The following SLC41A3 variants were observed in gnomAD, a reference collection of about 807,000 sequenced individuals.
SLC41A3 encodes solute carrier family 41 member 3.
SLC41A3 carries 44 observed loss-of-function variants against 45.4 expected under a neutral mutation model. The ratio of observed to expected loss-of-function variants is 0.97; its 90% confidence interval spans 0.76 to 1.25. The LOEUF is 1.25. Among genes scored for constraint, SLC41A3 ranks in the 50% most tolerant of loss-of-function variants. The probability of loss-of-function intolerance (pLI) is 0.00; values close to 1 mark genes in which losing one functional copy is unlikely to be tolerated. For missense variants in SLC41A3, 550 were observed against 600.6 expected (o/e 0.92, Z 0.88); for synonymous variants, 256 against 252.4 (o/e 1.01, Z -0.13).
At chr3:126,071,037 T>TA (rs1944594005) in intron 1 of SLC41A3, among the ~76,000 whole-genome samples, 1 of 151,928 alleles carries the variant, frequency 6.6e-6, no homozygotes, top group African/African-American at 2.4e-5. Context: ...ATAAAAGTGA[T>TA]ACACTAGGAA....
At chr3:126,086,555 A>T (rs1945398641), upstream of SLC41A3, among the ~76,000 whole-genome samples, 2 of 146,206 alleles carry the variant, frequency 1.4e-5, no homozygotes, top group African/African-American at 5.1e-5. Flanking sequence ...AAAGGATTTT[A>T]TAATAGACTT....
At position 126,049,258 on chromosome 3, in the gene SLC41A3, G is replaced by A. The variant is rs913151912; in HGVS notation, c.381+1685C>T. 1.1e-4 allele frequency among the ~76,000 whole-genome samples: 16 copies of A among 152,046 alleles called. 1 individual carries two copies. Among genetic ancestry groups the A allele is most frequent in the Non-Finnish European group, 1.5e-5 (1 of 68,004 alleles). ...TCCCAGCACTTTGGGAGGCTGAGGC[G>A]GGCAGATCACTGGAGGTCAGGAGTT... On this transcript the variant is annotated intron_variant, in intron 3 of 10. Coordinates refer to ENST00000360370, the MANE Select transcript of SLC41A3 (RefSeq NM_017836.4).
At chr3:126,039,827 T>C (rs947853333) in intron 3 of SLC41A3, among the ~76,000 whole-genome samples, 1 of 152,264 alleles carries the variant, frequency 6.6e-6, no homozygotes, top group African/African-American at 2.4e-5. Context: ...AGGGATCTTA[T>C]CTGTGGATAT....
chr3:126,087,878 T>A (rs1234396819), upstream of SLC41A3, among the ~76,000 whole-genome samples: 2 of 152,100 alleles, frequency 1.3e-5, no homozygotes, highest in African/African-American at 4.8e-5. Flanking sequence ...CTTTGATATT[T>A]AAAAAATACA....
chr3:126,039,148 CT>C (rs1942411166), intron 3 of SLC41A3, among the ~76,000 whole-genome samples: 1 of 152,190 alleles, frequency 6.6e-6, no homozygotes. Context: ...AAATAAACCT[CT>C]TTTCTTTATA....
intron 1 of SLC41A3, among the ~76,000 whole-genome samples, chr3:126,073,710 A>G (rs1273515279): frequency 1.3e-5 from 2 of 152,208 alleles, no homozygotes; most frequent in African/African-American, 4.8e-5. Flanking sequence ...AGATAAAGAG[A>G]TTGAATTAGT....
intron 3 of SLC41A3, among the ~76,000 whole-genome samples, chr3:126,047,916 C>T (rs1943069274): frequency 6.6e-6 from 1 of 152,088 alleles, no homozygotes; most frequent in African/African-American, 2.4e-5. Context: ...AACTTCTGTG[C>T]ATTAAAGGAC....
chr3:126,051,172 G>A, intron 2 of SLC41A3, 122 bp from the exon 3 acceptor site: 1 of 1,145,770 alleles, frequency 8.7e-7, no homozygotes, highest in Non-Finnish European at 1.2e-6. Context: ...ATAGGACTAA[G>A]TACTTTCTTA....
intron 3 of SLC41A3, among the ~76,000 whole-genome samples, chr3:126,046,194 T>A (rs1221753145): frequency 6.6e-6 from 1 of 152,234 alleles, no homozygotes; most frequent in African/African-American, 2.4e-5. Flanking sequence ...AGGACAAGGA[T>A]GCCTGCTTTC....
intron 6 of SLC41A3, among the ~76,000 whole-genome samples, chr3:126,019,362 C>T (rs1264984331): frequency 6.6e-6 from 1 of 152,210 alleles, no homozygotes; most frequent in Non-Finnish European, 1.5e-5. Flanking sequence ...AATACTGCCA[C>T]ATTGGGGATC....
upstream of SLC41A3, among the ~76,000 whole-genome samples, chr3:126,088,761 C>A (rs1945439078): frequency 1.3e-5 from 2 of 152,146 alleles, no homozygotes. Flanking sequence ...AGATTTGTAT[C>A]ATCAGCTTCT....
upstream of SLC41A3, among the ~76,000 whole-genome samples, chr3:126,085,938 T>C (rs1172560844): frequency 1.3e-5 from 2 of 152,160 alleles, no homozygotes; most frequent in Non-Finnish European, 2.9e-5. Context: ...ACCCATCATT[T>C]TGAGCCCTCT....
At chr3:126,067,662 C>T in intron 2 of SLC41A3, 2 of 523,048 alleles carry the variant, frequency 3.8e-6, no homozygotes, top group Non-Finnish European at 7.1e-6. Flanking sequence ...AGTTGACTGA[C>T]ACAGTTGTTA....
chr3:126,026,508 G>T lies in SLC41A3; in HGVS notation c.454-29C>A, dbSNP rs758862854. The T allele has an allele frequency of 1.4e-5, 23 of 1,591,354 alleles. No homozygotes were observed. Among genetic ancestry groups the T allele is most frequent in the Non-Finnish European group, 2.0e-5 (23 of 1,168,134 alleles). On this transcript the variant is annotated intron_variant, in intron 4 of 10. Transcript: ENST00000360370. This position sits in a 1 kb window ranked among gnomAD's most constrained non-coding sequence, Gnocchi z 4.2. ...TTGGACAGAAATCAGAAGCATGAAG[G>T]GGGGCCCCGGGGCCACAGCCACACT... is the stretch of plus-strand genomic sequence containing the variant.
chr3:126,070,632 C>G (rs960140056), intron 1 of SLC41A3, among the ~76,000 whole-genome samples: 20 of 152,216 alleles, frequency 1.3e-4, no homozygotes, highest in East Asian at 3.9e-4. Context: ...CCTAAGAATT[C>G]TTAACTAGCA....
rs1022137375 is a variant in SLC41A3, at chr3:126,026,099, G to C, written c.598+236C>G. Among the ~76,000 whole-genome samples, 1 of 152,194 alleles carries C rather than the reference G, an allele frequency of 6.6e-6. No homozygotes were observed. The highest frequency in any genetic ancestry group is 1.5e-5 in the Non-Finnish European group (1 of 68,028). ...CAGGGACAGGTCTTTACACAGCAGA[G>C]AGCAGAGGCGAGTGGTGGCAGGAGC... On this transcript the variant is annotated intron_variant, in intron 5 of 10. Transcript: ENST00000360370. The surrounding 1 kb of genome is among the most constrained non-coding windows in gnomAD (Gnocchi z 4.2).
upstream of SLC41A3, among the ~76,000 whole-genome samples, chr3:126,087,758 T>C (rs905973220): frequency 6.6e-6 from 1 of 150,896 alleles, no homozygotes; most frequent in Non-Finnish European, 1.5e-5. Flanking sequence ...GAATGGTCTA[T>C]GTAAGTTGTA....
intron 3 of SLC41A3, 148 bp from the exon 4 acceptor site, chr3:126,033,826 A>C: frequency 1.3e-6 from 1 of 775,858 alleles, no homozygotes; most frequent in Non-Finnish European, 2.1e-6. Context: ...AGCTCTCCAA[A>C]CAGCGACCTG....
intron 1 of SLC41A3, among the ~76,000 whole-genome samples, chr3:126,091,040 C>A (rs1271340929): frequency 3.9e-5 from 6 of 152,148 alleles, no homozygotes; most frequent in African/African-American, 1.4e-4. Context: ...CACACACCTA[C>A]AAAGGCAGGT....
Sources: gnomAD v4.1 joint callset for allele counts (sites outside exome capture counted in the v4.1 genomes callset) on GRCh38, gnomAD v4.1.1 for gene constraint, Gnocchi (gnomAD v3.1) non-coding constraint, MANE v1.5 for transcripts, NCBI Gene and HGNC (gene_info 2026-07-23, HGNC 2026-07-21) for gene names.